The following SLC4A4 variants were observed in gnomAD, a reference collection of about 807,000 sequenced individuals.
SLC4A4 encodes solute carrier family 4 member 4, also known as electrogenic sodium bicarbonate cotransporter 1.
Under a neutral mutation model 111.5 loss-of-function variants are expected in SLC4A4, and 27 were observed. That is an observed-to-expected ratio of 0.24 (90% CI 0.18 to 0.33). SLC4A4 has a LOEUF of 0.33. Ranked by LOEUF, SLC4A4 falls within the 10% of genes least tolerant of loss-of-function variation. The pLI is 1.00. For synonymous variants in SLC4A4, 443 were observed against 463.4 expected (o/e 0.96, Z 0.57); for missense variants, 909 against 1,315.5 (o/e 0.69, Z 4.78).
intron 7 of SLC4A4, among the ~76,000 whole-genome samples, chr4:71,427,580 T>C (rs1215152279): frequency 6.6e-6 from 1 of 152,112 alleles, no homozygotes; most frequent in East Asian, 1.9e-4. Flanking sequence ...TTCCAGTCAT[T>C]TGATCTTGTC....
At chr4:71,172,449 T>C (rs1014825525) in intron 2 of SLC4A4, among the ~76,000 whole-genome samples, 3 of 151,946 alleles carry the variant, frequency 2.0e-5, no homozygotes, top group African/African-American at 7.3e-5. Flanking sequence ...AGAGATGGGG[T>C]TTCACCATGT....
chr4:71,503,208 A>G (rs568777048), intron 16 of SLC4A4, among the ~76,000 whole-genome samples: 1 of 149,874 alleles, frequency 6.7e-6, no homozygotes, highest in African/African-American at 2.4e-5. Flanking sequence ...CTTAATAGTG[A>G]GGGGATCTCT....
chr4:71,412,948 A>G (rs1721493665), intron 7 of SLC4A4, among the ~76,000 whole-genome samples: 2 of 152,300 alleles, frequency 1.3e-5, no homozygotes, highest in East Asian at 1.9e-4. Context: ...CCTTAGAACA[A>G]AGGAGTGAAG....
intron 1 of SLC4A4, among the ~76,000 whole-genome samples, chr4:71,214,940 C>A (rs1292310677): frequency 6.6e-6 from 1 of 152,220 alleles, no homozygotes; most frequent in East Asian, 1.9e-4. Context: ...TCTATACTGG[C>A]AACTTGGGTT....
At chr4:71,501,157 T>TATAGC (rs1442442187) in intron 16 of SLC4A4, among the ~76,000 whole-genome samples, 4 of 152,208 alleles carry the variant, frequency 2.6e-5, no homozygotes, top group Non-Finnish European at 5.9e-5. Flanking sequence ...ATTTTTGAAG[T>TATAGC]ATAGCACATT....
intron 1 of SLC4A4, among the ~76,000 whole-genome samples, chr4:71,229,035 C>A (rs1719230348): frequency 1.3e-5 from 2 of 152,158 alleles, no homozygotes; most frequent in South Asian, 4.1e-4. Flanking sequence ...CACAGGGGTC[C>A]CTCGTGTTAC....
Position 71,372,142 on chromosome 4 carries a change from C to T in SLC4A4, c.730+14955C>T, listed in dbSNP as rs766463195. On this transcript the variant is annotated intron_variant, in intron 6 of 25. Transcript: ENST00000264485. ...AAGATTTTAGCAAGATATTTTCAGG[C>T]CTAATGTAACTAGAAGTTACTAACT... Among the ~76,000 whole-genome samples the T allele has an allele frequency of 2.4e-4, 37 of 152,220 alleles. 1 individual carries two copies. The Middle Eastern group carries it at 0.01, about 42-fold the overall frequency.
intron 2 of SLC4A4, among the ~76,000 whole-genome samples, chr4:71,180,456 A>G (rs1560762536): frequency 1.3e-5 from 2 of 152,222 alleles, no homozygotes; most frequent in African/African-American, 4.8e-5. Flanking sequence ...CACTCATCTG[A>G]CAAAGGGCTA....
intron 2 of SLC4A4, among the ~76,000 whole-genome samples, chr4:71,167,285 T>C (rs527870654): frequency 6.6e-6 from 1 of 152,130 alleles, no homozygotes; most frequent in African/African-American, 2.4e-5. Context: ...AAGGCAGCAT[T>C]AGGACAATTG....
At chr4:71,223,996 A>G (rs541220513) in intron 1 of SLC4A4, among the ~76,000 whole-genome samples, 47 of 151,706 alleles carry the variant, frequency 3.1e-4, no homozygotes, top group Non-Finnish European at 6.2e-4. Context: ...TCACTGCCCC[A>G]TTTTTACCTC....
chr4:71,432,619 T>C (rs1723743023), intron 7 of SLC4A4, among the ~76,000 whole-genome samples: 1 of 152,102 alleles, frequency 6.6e-6, no homozygotes, highest in African/African-American at 2.4e-5. Flanking sequence ...AAGATATATA[T>C]ACCTTCTCTT....
chr4:71,393,267 T>C (rs569302373), intron 6 of SLC4A4, among the ~76,000 whole-genome samples: 1 of 152,236 alleles, frequency 6.6e-6, no homozygotes, highest in South Asian at 2.1e-4. Context: ...TTGAAAACCC[T>C]GAAGACTCCT....
chr4:71,300,617 G>A (rs1725169240), intron 3 of SLC4A4: 1 of 333,218 alleles, frequency 3.0e-6, no homozygotes, highest in Non-Finnish European at 6.0e-6. Flanking sequence ...TTCATGAGCA[G>A]CTCTGTATGC....
At chr4:71,363,005 C>T (rs1185329016) in intron 6 of SLC4A4, among the ~76,000 whole-genome samples, 1 of 152,190 alleles carries the variant, frequency 6.6e-6, no homozygotes, top group Non-Finnish European at 1.5e-5. Flanking sequence ...AATCCACTTG[C>T]TCCCATTATG....
intron 18 of SLC4A4, among the ~76,000 whole-genome samples, chr4:71,544,252 G>A (rs1367616006): frequency 6.6e-6 from 1 of 152,030 alleles, no homozygotes; most frequent in Non-Finnish European, 1.5e-5. Flanking sequence ...AAAGGTGAGG[G>A]TTAATTTAAG....
At chr4:71,289,365 T>C (rs1415662255) in intron 3 of SLC4A4, among the ~76,000 whole-genome samples, 1 of 152,220 alleles carries the variant, frequency 6.6e-6, no homozygotes, top group African/African-American at 2.4e-5. Context: ...TGTCCAGCCA[T>C]AACAACTACT....
chr4:71,363,339 G>A (rs1173667153), intron 6 of SLC4A4, among the ~76,000 whole-genome samples: 1 of 152,162 alleles, frequency 6.6e-6, no homozygotes, highest in Non-Finnish European at 1.5e-5. Flanking sequence ...TTTGATATTA[G>A]ATCCAGATGC....
intron 2 of SLC4A4, among the ~76,000 whole-genome samples, chr4:71,237,289 C>G (rs1719879335): frequency 6.6e-6 from 1 of 152,132 alleles, no homozygotes; most frequent in Non-Finnish European, 1.5e-5. Flanking sequence ...TGTCTCCTGA[C>G]TTATCAATAA....
chr4:71,492,885 A>G (rs942722038), intron 15 of SLC4A4, among the ~76,000 whole-genome samples: 3 of 151,938 alleles, frequency 2.0e-5, no homozygotes, highest in Admixed American at 6.6e-5. Context: ...TCTTCTGACC[A>G]TCTGATCTTC....
Sources: allele counts gnomAD v4.1 joint callset (sites outside exome capture counted in the v4.1 genomes callset), GRCh38; gene constraint gnomAD v4.1.1; transcripts MANE v1.5; gene names NCBI Gene and HGNC (gene_info 2026-07-23, HGNC 2026-07-21).